The following RIT2 variants were observed in gnomAD, a reference collection of about 807,000 sequenced individuals.
The protein encoded by RIT2 is GTP-binding protein Rit2.
A neutral mutation model predicts 23.7 loss-of-function variants in RIT2; 24 were observed. That is an observed-to-expected ratio of 1.01 (90% CI 0.73 to 1.43). The LOEUF (loss-of-function observed/expected upper bound fraction) is 1.43. RIT2 is among the 40% of genes most tolerant of loss of function. RIT2 has a pLI of 0.00. For synonymous variants in RIT2, 107 were observed against 91.1 expected (o/e 1.17, Z -0.99); for missense variants, 236 against 266.9 (o/e 0.88, Z 0.81).
intron 4 of RIT2, among the ~76,000 whole-genome samples, chr18:42,768,128 A>AT (rs534781138): frequency 6.8e-4 from 103 of 152,202 alleles, no homozygotes; most frequent in Middle Eastern, 6.8e-3. Flanking sequence ...AGATGCAGTG[A>AT]TTTTTTAAAT....
At chr18:43,076,995 C>T (rs932655173) in intron 1 of RIT2, among the ~76,000 whole-genome samples, 34 of 148,680 alleles carry the variant, frequency 2.3e-4, no homozygotes, top group African/African-American at 5.7e-4. Context: ...CCCAGCTACT[C>T]GGGAGGCTGA....
intron 4 of RIT2, among the ~76,000 whole-genome samples, chr18:42,829,386 A>G (rs944272331): frequency 6.6e-6 from 1 of 152,216 alleles, no homozygotes; most frequent in South Asian, 2.1e-4. Flanking sequence ...CACACCAGAA[A>G]GTAATACTTT....
chr18:42,973,260 T>C (rs1910402799), intron 3 of RIT2, among the ~76,000 whole-genome samples: 1 of 151,802 alleles, frequency 6.6e-6, no homozygotes, highest in Non-Finnish European at 1.5e-5. Flanking sequence ...ATATCTGATA[T>C]TTTGATATGT....
intron 4 of RIT2, among the ~76,000 whole-genome samples, chr18:42,892,561 C>G (rs1908209263): frequency 6.6e-6 from 1 of 152,172 alleles, no homozygotes; most frequent in Non-Finnish European, 1.5e-5. Flanking sequence ...GATTCACATT[C>G]AGAATCTGAA....
At chr18:43,067,287 T>C (rs942022735) in intron 1 of RIT2, among the ~76,000 whole-genome samples, 2 of 152,076 alleles carry the variant, frequency 1.3e-5, no homozygotes, top group African/African-American at 4.8e-5. Flanking sequence ...AACAAGAACG[T>C]TGACAAAAGG....
intron 1 of RIT2, among the ~76,000 whole-genome samples, chr18:43,076,928 C>T (rs969704281): frequency 1.3e-5 from 2 of 151,146 alleles, no homozygotes; most frequent in African/African-American, 2.4e-5. Context: ...ACGGTGAAAC[C>T]CCGTCTCTAC....
intron 4 of RIT2, among the ~76,000 whole-genome samples, chr18:42,892,257 C>A (rs886706875): frequency 1.3e-5 from 2 of 152,064 alleles, no homozygotes; most frequent in Admixed American, 6.6e-5. Flanking sequence ...TGTTAAAAAA[C>A]CTTTCATATG....
chr18:43,057,436 C>T (rs1912530008), intron 1 of RIT2, among the ~76,000 whole-genome samples: 1 of 152,166 alleles, frequency 6.6e-6, no homozygotes, highest in Non-Finnish European at 1.5e-5. Context: ...GCACTACATA[C>T]TTTCTTAATA....
chr18:43,018,071 C>G (rs201502588), intron 2 of RIT2, among the ~76,000 whole-genome samples: 2 of 151,880 alleles, frequency 1.3e-5, no homozygotes, highest in African/African-American at 4.8e-5. Context: ...AAGGGGGTGC[C>G]CTAGTAAGTT....
chr18:42,905,063 C>CA (rs1352496869), intron 4 of RIT2, among the ~76,000 whole-genome samples: 3 of 152,156 alleles, frequency 2.0e-5, no homozygotes, highest in Admixed American at 6.5e-5. Context: ...TGCATGCCTT[C>CA]ACACAGTTTA....
At chr18:42,775,180 TA>T (rs1183547706) in intron 4 of RIT2, among the ~76,000 whole-genome samples, 1 of 152,192 alleles carries the variant, frequency 6.6e-6, no homozygotes, top group Non-Finnish European at 1.5e-5. Context: ...CTGTTCATTG[TA>T]GCCACTCAGG....
At chr18:42,891,343 T>C (rs1369376910) in intron 4 of RIT2, among the ~76,000 whole-genome samples, 5 of 152,190 alleles carry the variant, frequency 3.3e-5, no homozygotes, top group Non-Finnish European at 7.3e-5. Context: ...ATTTAAAACA[T>C]ATAAACAATT....
intron 2 of RIT2, among the ~76,000 whole-genome samples, chr18:42,995,762 T>C (rs776220117): frequency 4.6e-5 from 7 of 152,212 alleles, no homozygotes; most frequent in Non-Finnish European, 1.0e-4. Flanking sequence ...TTTAAGCTCC[T>C]GTATGGACGC....
chr18:42,917,906 C>T (rs1908953838), intron 4 of RIT2, among the ~76,000 whole-genome samples: 1 of 152,130 alleles, frequency 6.6e-6, no homozygotes, highest in African/African-American at 2.4e-5. Flanking sequence ...GAAAATACAG[C>T]TCTGATTCTT....
chr18:42,805,638 G>A (rs951258172), intron 4 of RIT2, among the ~76,000 whole-genome samples: 5 of 152,114 alleles, frequency 3.3e-5, no homozygotes, highest in African/African-American at 9.7e-5. Context: ...TTGGCTCACT[G>A]AGCTATGCTT....
intron 1 of RIT2, among the ~76,000 whole-genome samples, chr18:43,089,878 C>T (rs1447371652): frequency 6.6e-6 from 1 of 151,962 alleles, no homozygotes. Context: ...CTTTCATATA[C>T]AAAAAGTAAA....
chr18:42,783,513 A>T (rs1009653184), intron 4 of RIT2, among the ~76,000 whole-genome samples: 6 of 151,108 alleles, frequency 4.0e-5, no homozygotes, highest in Admixed American at 6.6e-5. Context: ...TAACACTTAA[A>T]TTTTTTTTCT....
At chr18:43,113,603 A>G (rs1914001502) in intron 1 of RIT2, among the ~76,000 whole-genome samples, 1 of 152,308 alleles carries the variant, frequency 6.6e-6, no homozygotes, top group South Asian at 2.1e-4. Flanking sequence ...AAAATAGAAG[A>G]TAAAATATCA....
chr18:43,087,877 G>A (rs1913323530), intron 1 of RIT2, among the ~76,000 whole-genome samples: 1 of 152,156 alleles, frequency 6.6e-6, no homozygotes, highest in Non-Finnish European at 1.5e-5. Flanking sequence ...TGACAATGAT[G>A]TGAGCGATAC....
Sources: allele counts gnomAD v4.1 joint callset (sites outside exome capture counted in the v4.1 genomes callset), GRCh38; gene constraint gnomAD v4.1.1; transcripts MANE v1.5; gene names NCBI Gene and HGNC (gene_info 2026-07-23, HGNC 2026-07-21).